RTCB: variants seen among roughly 807,000 people sequenced by gnomAD.
RTCB encodes RNA 2',3'-cyclic phosphate and 5'-OH ligase, also known as RNA-splicing ligase RTCB.
RTCB carries 32 observed loss-of-function variants against 58.2 expected under a neutral mutation model. The ratio of observed to expected loss-of-function variants is 0.55; its 90% CI spans 0.41 to 0.74. RTCB has a LOEUF of 0.74. RTCB is among the 30% of genes least tolerant of loss of function. The pLI, the probability that RTCB is intolerant of heterozygous loss-of-function variation, is 0.00. For synonymous variants in RTCB, 247 were observed against 218.6 expected (o/e 1.13, Z -1.15); for missense variants, 523 against 639.0 (o/e 0.82, Z 1.96).
chr22:32,405,221 A>G (rs1400714605), intron 4 of RTCB, among the ~76,000 whole-genome samples: 1 of 152,190 alleles, frequency 6.6e-6, no homozygotes, highest in Non-Finnish European at 1.5e-5. Flanking sequence ...ATGTACTTAT[A>G]TATTCTTGTC....
intron 8 of RTCB, 93 bp downstream of exon 8, chr22:32,395,981 T>TTA: frequency 1.5e-6 from 2 of 1,304,184 alleles, no homozygotes; most frequent in Non-Finnish European, 2.2e-6. Flanking sequence ...ATTACAGGCA[T>TTA]GAGCCACCGT....
At chr22:32,411,215 G>A (rs1350042067) in intron 1 of RTCB, among the ~76,000 whole-genome samples, 1 of 152,234 alleles carries the variant, frequency 6.6e-6, no homozygotes, top group Non-Finnish European at 1.5e-5. Context: ...GACGTGAGAC[G>A]AGACGGTAAA....
At chr22:32,392,102 A>C (rs1933162161) in intron 11 of RTCB, 138 bp downstream of exon 11, 1 of 845,062 alleles carries the variant, frequency 1.2e-6, no homozygotes, top group Admixed American at 2.8e-5. Context: ...AAGGAAGATA[A>C]GCCAAAATTG....
intron 11 of RTCB, among the ~76,000 whole-genome samples, chr22:32,388,650 C>T (rs564990743): frequency 6.6e-6 from 1 of 152,326 alleles, no homozygotes; most frequent in African/African-American, 2.4e-5. Context: ...GACTTTCCAG[C>T]AACATTCCCA....
In RTCB at chr22:32,408,457, A is replaced by G. The variant is rs140142784; in HGVS notation, c.173-215T>C. Among the ~76,000 whole-genome samples the G allele has an allele frequency of 5.1e-3, 780 of 152,318 alleles. 2 individuals are homozygous for G. Among genetic ancestry groups the G allele is most frequent in the Non-Finnish European group, 9.0e-3 (611 of 68,026 alleles). ...GATAATCTCTGCAAAGCACCTAGTA[A>G]CATGCCTGGAATATAGTAAGTGCAA... is the stretch of plus-strand genomic sequence containing the variant. On this transcript the variant is annotated intron_variant, in intron 2 of 11. Coordinates refer to ENST00000216038, the MANE Select transcript of RTCB (RefSeq NM_014306.5).
chr22:32,401,440 T>C (rs1378185770), intron 5 of RTCB: 1 of 211,246 alleles, frequency 4.7e-6, no homozygotes, highest in Non-Finnish European at 9.3e-6. Context: ...TTAGGGAAGA[T>C]AATAGGGTTA....
At chr22:32,402,113 G>A (rs1601428885) in intron 4 of RTCB, among the ~76,000 whole-genome samples, 1 of 152,182 alleles carries the variant, frequency 6.6e-6, no homozygotes, top group African/African-American at 2.4e-5. Context: ...TTATGGACAA[G>A]GGAGGCAGCA....
chr22:32,409,182 T>A (rs1408043837), intron 1 of RTCB, among the ~76,000 whole-genome samples: 1 of 136,726 alleles, frequency 7.3e-6, no homozygotes, highest in Non-Finnish European at 1.6e-5. Context: ...TTCAAAAATA[T>A]CAATGGTTTT....
intron 4 of RTCB, among the ~76,000 whole-genome samples, chr22:32,402,451 TTTTA>T (rs1299662331): frequency 1.3e-5 from 2 of 152,190 alleles, no homozygotes; most frequent in African/African-American, 4.8e-5. Flanking sequence ...ACATAAGTAC[TTTTA>T]TTTTTCATTT....
chr22:32,405,781 G>A (rs996943826), intron 4 of RTCB, among the ~76,000 whole-genome samples: 3 of 152,174 alleles, frequency 2.0e-5, no homozygotes, highest in Admixed American at 6.5e-5. Context: ...ACCACTGCTA[G>A]AAACAGAACT....
chr22:32,396,457 G>A (rs958651244), intron 7 of RTCB, among the ~76,000 whole-genome samples: 2 of 152,182 alleles, frequency 1.3e-5, no homozygotes, highest in Non-Finnish European at 2.9e-5. Flanking sequence ...ACAGTTTGTG[G>A]GACACAAAGT....
At chr22:32,409,591 T>C (rs1398126617) in intron 1 of RTCB, among the ~76,000 whole-genome samples, 4 of 152,156 alleles carry the variant, frequency 2.6e-5, no homozygotes, top group African/African-American at 4.8e-5. Context: ...TTGAATGTAG[T>C]TTTTATCAGA....
chr22:32,402,205 A>AT (rs1001408946), intron 4 of RTCB, among the ~76,000 whole-genome samples: 3 of 152,068 alleles, frequency 2.0e-5, no homozygotes, highest in Non-Finnish European at 4.4e-5. Flanking sequence ...AGGTTCATGA[A>AT]TTTTTTCAGT....
At chr22:32,406,527 T>TCAA (rs1326818380) in intron 4 of RTCB, 135 bp downstream of exon 4, 12 of 539,346 alleles carry the variant, frequency 2.2e-5, no homozygotes, top group Non-Finnish European at 3.8e-5. Context: ...TTCACCATGT[T>TCAA]GGCCAAGATG....
intron 5 of RTCB, among the ~76,000 whole-genome samples, chr22:32,401,090 G>GTTTTT (rs536914312): frequency 3.5e-4 from 48 of 136,734 alleles, no homozygotes; most frequent in African/African-American, 1.3e-3. Context: ...CACCTACTAA[G>GTTTTT]TTTTTTTTTT....
At chr22:32,397,691 T>C (rs1158903390) in intron 7 of RTCB, among the ~76,000 whole-genome samples, 3 of 152,244 alleles carry the variant, frequency 2.0e-5, no homozygotes, top group Non-Finnish European at 2.9e-5. Flanking sequence ...TAACATTTAT[T>C]GAGTGTTTAC....
In RTCB at chr22:32,392,571, C is replaced by T. The variant is rs566427170; in HGVS notation, c.1291-212G>A. 45 of 703,234 alleles carry T rather than the reference C, an allele frequency of 6.4e-5. 2 individuals carry two copies. The South Asian group carries it at 6.4e-4, about 10-fold the overall frequency. 43.6% of individuals were successfully genotyped at this position (703,234 alleles called of 1,614,324 possible). A position where few individuals can be genotyped will look rare whatever the true frequency, so the allele number is the denominator to read the frequency against. On this transcript the variant is annotated intron_variant, in intron 10 of 11. Coordinates refer to ENST00000216038, the MANE Select transcript of RTCB (RefSeq NM_014306.5). ...GTCCTATGCAGGGTATTCAGCAGCG[C>T]AGCGCAGTGTATTCAGCAGCATCCC...
rs775433872 is a variant in RTCB, at chr22:32,406,723, C to A, written c.279G>T (p.Gly93=). 2 of 1,612,728 alleles carry A rather than the reference C, an allele frequency of 1.2e-6. No individual in the cohort carries two copies. The highest frequency in any genetic ancestry group is 1.7e-6 in the Non-Finnish European group (2 of 1,178,934). The change falls in exon 4 of 12, where the codon GGG becomes GGT. Residue 93 remains glycine (G), a synonymous_variant. Coordinates refer to ENST00000216038, the MANE Select transcript of RTCB (RefSeq NM_014306.5). ...IGLPDVHSGY[G]FAIGNMAAFD... is the part of the protein sequence containing the mutation. ...AGGCTGCCATGTTCCCAATAGCAAA[C>A]CCATATCCTGAATGGACATCAGGAA...
chr22:32,400,158 C>G (rs763285884), intron 5 of RTCB, among the ~76,000 whole-genome samples: 1 of 152,188 alleles, frequency 6.6e-6, no homozygotes, highest in Non-Finnish European at 1.5e-5. Context: ...CACTCTCTAA[C>G]GACTAATTCA....
Sources: gnomAD v4.1 joint callset for allele counts (sites outside exome capture counted in the v4.1 genomes callset) on GRCh38, gnomAD v4.1.1 for gene constraint, MANE v1.5 for transcripts, NCBI Gene and HGNC (gene_info 2026-07-23, HGNC 2026-07-21) for gene names.